Variants in ZNF423 observed in about 807,000 individuals in gnomAD.
ZNF423 encodes the protein Ebf-associated zinc finger protein.
Under a neutral mutation model 95.8 loss-of-function variants are expected in ZNF423, and 12 were observed. That is an observed-to-expected ratio of 0.13 (90% CI 0.08 to 0.20). ZNF423 has a LOEUF of 0.20. Ranked by LOEUF, ZNF423 falls within the 10% of genes least tolerant of loss-of-function variation. The probability of loss-of-function intolerance (pLI) is 1.00; values close to 1 mark genes in which losing one functional copy is unlikely to be tolerated. For synonymous variants in ZNF423, 749 were observed against 711.9 expected, an observed-to-expected ratio of 1.05 and a Z score of -0.83; for missense variants, 1,316 against 1,737.1, an observed-to-expected ratio of 0.76 and a Z score of 4.31.
intron 5 of ZNF423, among the ~76,000 whole-genome samples, chr16:49,574,741 C>G (rs1392670575): frequency 1.3e-5 from 2 of 152,162 alleles, no homozygotes; most frequent in African/African-American, 4.8e-5. Flanking sequence ...CCCTGCCCTG[C>G]TCCCTCCTGC....
At chr16:49,579,601 G>A (rs562540076) in intron 5 of ZNF423, among the ~76,000 whole-genome samples, 15 of 152,134 alleles carry the variant, frequency 9.9e-5, no homozygotes, top group Non-Finnish European at 2.1e-4. Context: ...CAAGCTGAGC[G>A]TGCTGGCATC....
intron 3 of ZNF423, among the ~76,000 whole-genome samples, chr16:49,659,187 C>T (rs536624625): frequency 1.2e-4 from 19 of 152,326 alleles, no homozygotes; most frequent in African/African-American, 4.6e-4. Flanking sequence ...CTCCTAGGCT[C>T]ATGTGATCCT....
chr16:49,534,219 G>A (rs931074894), intron 5 of ZNF423, among the ~76,000 whole-genome samples: 1 of 150,076 alleles, frequency 6.7e-6, no homozygotes, highest in Non-Finnish European at 1.5e-5. Flanking sequence ...AACTATTACT[G>A]CTATTGTTAC....
intron 5 of ZNF423, among the ~76,000 whole-genome samples, chr16:49,615,127 A>ATC (rs1555512444): frequency 5.0e-5 from 5 of 99,500 alleles, no homozygotes; most frequent in Non-Finnish European, 1.1e-4. Flanking sequence ...AAGAAACTCC[A>ATC]TCTCACACAC....
intron 2 of ZNF423, among the ~76,000 whole-genome samples, chr16:49,772,714 T>C (rs1012414584): frequency 5.3e-5 from 8 of 152,184 alleles, no homozygotes; most frequent in African/African-American, 1.7e-4. Flanking sequence ...GCATGTGGGA[T>C]GAAAATACAT....
chr16:49,811,206 C>T (rs567726169), intron 1 of ZNF423, among the ~76,000 whole-genome samples: 34 of 152,056 alleles, frequency 2.2e-4, no homozygotes, highest in African/African-American at 8.0e-4. Context: ...ACAGATGGGA[C>T]GCTATCAGCA....
At chr16:49,680,438 G>A (rs1019287452) in intron 3 of ZNF423, among the ~76,000 whole-genome samples, 6 of 152,224 alleles carry the variant, frequency 3.9e-5, no homozygotes, top group South Asian at 2.1e-4. Context: ...CAAACAGCAC[G>A]GAAAAACACT....
chr16:49,497,232 T>TATCCATCCATCCATCCATCCATCG (rs773217573), intron 7 of ZNF423, among the ~76,000 whole-genome samples: 3 of 151,782 alleles, frequency 2.0e-5, no homozygotes, highest in African/African-American at 7.3e-5. Flanking sequence ...TCTATTCATC[T>TATCCATCCATCCATCCATCCATCG]ATCCATCCAT....
At chr16:49,663,067 A>G (rs2151916413) in intron 3 of ZNF423, among the ~76,000 whole-genome samples, 1 of 152,272 alleles carries the variant, frequency 6.6e-6, no homozygotes, top group South Asian at 2.1e-4. Flanking sequence ...GCGCTGGCAG[A>G]GGAGGCCCCC....
chr16:49,649,475 A>G (rs1973307760), intron 3 of ZNF423, among the ~76,000 whole-genome samples: 1 of 152,090 alleles, frequency 6.6e-6, no homozygotes. Flanking sequence ...TGGTTTTTTA[A>G]TTCAGCACAT....
At chr16:49,709,409 C>T (rs975220760) in intron 3 of ZNF423, among the ~76,000 whole-genome samples, 1 of 151,902 alleles carries the variant, frequency 6.6e-6, no homozygotes, top group African/African-American at 2.4e-5. Flanking sequence ...GAGAGGCTGC[C>T]TTTTTTCATG....
chr16:49,620,691 C>T (rs1223817874), intron 5 of ZNF423, among the ~76,000 whole-genome samples: 1 of 152,162 alleles, frequency 6.6e-6, no homozygotes, highest in Non-Finnish European at 1.5e-5. Flanking sequence ...TGCGTGAGGA[C>T]GTCCAGGGGC....
At chr16:49,622,564 G>A (rs1316076487) in intron 5 of ZNF423, among the ~76,000 whole-genome samples, 1 of 152,202 alleles carries the variant, frequency 6.6e-6, no homozygotes, top group Non-Finnish European at 1.5e-5. Flanking sequence ...TCAATGCCCA[G>A]GGGGCCCTGT....
intron 1 of ZNF423, among the ~76,000 whole-genome samples, chr16:49,811,293 C>G (rs985488647): frequency 6.6e-5 from 10 of 151,986 alleles, no homozygotes; most frequent in African/African-American, 2.4e-4. Flanking sequence ...GTAGAGAGAC[C>G]CCCAAGAAAG....
intron 6 of ZNF423, among the ~76,000 whole-genome samples, chr16:49,524,689 C>A (rs1968534807): frequency 6.6e-6 from 1 of 152,232 alleles, no homozygotes; most frequent in Admixed American, 6.5e-5. Context: ...CAGAGATACC[C>A]TCCTGCCAGG....
At chr16:49,741,835 C>T (rs1018025142) in intron 2 of ZNF423, among the ~76,000 whole-genome samples, 1 of 152,244 alleles carries the variant, frequency 6.6e-6, no homozygotes, top group Non-Finnish European at 1.5e-5. Flanking sequence ...TGTGCAAGAC[C>T]TTGGTTGCTT....
At chr16:49,623,693 T>C (rs1208756563) in intron 5 of ZNF423, among the ~76,000 whole-genome samples, 2 of 152,182 alleles carry the variant, frequency 1.3e-5, no homozygotes, top group Admixed American at 6.5e-5. Flanking sequence ...CCAATCTCCC[T>C]GTCAGGCCAA....
At chr16:49,551,719 G>A (rs1434822594) in intron 5 of ZNF423, among the ~76,000 whole-genome samples, 3 of 152,186 alleles carry the variant, frequency 2.0e-5, no homozygotes, top group East Asian at 3.9e-4. Flanking sequence ...GGAGACCCTC[G>A]GGGGCACAGC....
chr16:49,632,823 G>A (rs1972550974), intron 4 of ZNF423, among the ~76,000 whole-genome samples: 1 of 152,206 alleles, frequency 6.6e-6, no homozygotes, highest in Admixed American at 6.5e-5. Flanking sequence ...GCACTCCAGG[G>A]AGGCTCACAC....
Sources: gnomAD v4.1 joint callset for allele counts (sites outside exome capture counted in the v4.1 genomes callset) on GRCh38, gnomAD v4.1.1 for gene constraint, MANE v1.5 for transcripts, NCBI Gene and HGNC (gene_info 2026-07-23, HGNC 2026-07-21) for gene names.